ZMAT4: variants seen among roughly 807,000 people sequenced by gnomAD.
The protein encoded by ZMAT4 is zinc finger matrin-type 4, also known as zinc finger matrin-type protein 4.
ZMAT4 carries 17 observed loss-of-function variants against 28.7 expected under a neutral mutation model. The ratio of observed to expected loss-of-function variants is 0.59; its 90% CI spans 0.41 to 0.89. ZMAT4 has a LOEUF of 0.89. Among genes scored for constraint, ZMAT4 ranks in the 40% least tolerant of loss-of-function variants. The pLI is 0.00. For synonymous variants in ZMAT4, 117 were observed against 109.2 expected (o/e 1.07, Z -0.44); for missense variants, 240 against 283.8 (o/e 0.85, Z 1.11).
intron 5 of ZMAT4, among the ~76,000 whole-genome samples, chr8:40,611,339 T>C (rs953828164): frequency 6.6e-6 from 1 of 152,096 alleles, no homozygotes. Flanking sequence ...GTAGAATATA[T>C]CTGATATCAG....
chr8:40,867,403 A>G (rs1196177458), intron 1 of ZMAT4, among the ~76,000 whole-genome samples: 3 of 152,210 alleles, frequency 2.0e-5, no homozygotes, highest in Non-Finnish European at 2.9e-5. Context: ...CCTGGTGAAC[A>G]TAAGTCAGAT....
At chr8:40,640,123 T>A (rs1378708810) in intron 5 of ZMAT4, among the ~76,000 whole-genome samples, 2 of 152,110 alleles carry the variant, frequency 1.3e-5, no homozygotes, top group Non-Finnish European at 2.9e-5. Flanking sequence ...ACTACAGGTG[T>A]GCATCACCAA....
At chr8:40,549,313 A>G (rs1347766174) in intron 6 of ZMAT4, among the ~76,000 whole-genome samples, 2 of 152,146 alleles carry the variant, frequency 1.3e-5, no homozygotes, top group East Asian at 1.9e-4. Context: ...CCCTCCCTTT[A>G]CAAGATTTGA....
At chr8:40,596,010 G>C (rs552501993) in intron 5 of ZMAT4, among the ~76,000 whole-genome samples, 1 of 152,240 alleles carries the variant, frequency 6.6e-6, no homozygotes, top group Non-Finnish European at 1.5e-5. Context: ...CTTGAACCCA[G>C]GAGAGGGAGG....
intron 2 of ZMAT4, among the ~76,000 whole-genome samples, chr8:40,808,279 A>G (rs1166848835): frequency 1.3e-5 from 2 of 152,144 alleles, no homozygotes; most frequent in Non-Finnish European, 2.9e-5. Context: ...CTTTAGATCA[A>G]AGGAAACTAC....
At chr8:40,887,718 G>A (rs1309547879) in intron 1 of ZMAT4, among the ~76,000 whole-genome samples, 1 of 152,102 alleles carries the variant, frequency 6.6e-6, no homozygotes, top group East Asian at 1.9e-4. Context: ...CGGCAGAGGG[G>A]AAAGAACAGG....
intron 1 of ZMAT4, among the ~76,000 whole-genome samples, chr8:40,885,197 C>T (rs1404497465): frequency 1.3e-5 from 2 of 152,154 alleles, no homozygotes; most frequent in Non-Finnish European, 2.9e-5. Context: ...CGTTTCCTCC[C>T]TCTCTACTCC....
chr8:40,771,428 TATA>T (rs1004361200), intron 2 of ZMAT4, among the ~76,000 whole-genome samples: 8 of 151,790 alleles, frequency 5.3e-5, no homozygotes, highest in African/African-American at 1.9e-4. Context: ...ATAACATAAA[TATA>T]ATAATAATAA....
Position 40,824,934 on chromosome 8 carries a change from C to T in ZMAT4, c.102+641G>A, listed in dbSNP as rs1039590202. On this transcript the variant is annotated intron_variant, in intron 2 of 6. Transcript: ENST00000297737. ...TCGGACACAGGCCAACCTCTCTCCTCTCATCCTCTGCTCCCAATAGAGGAT... is the reference window on the plus strand; with the variant it reads ...TCGGACACAGGCCAACCTCTCTCCTTTCATCCTCTGCTCCCAATAGAGGAT... 8.5e-5 allele frequency among the ~76,000 whole-genome samples: 13 copies of T among 152,334 alleles called. No homozygotes were observed. In the East Asian group the frequency reaches 2.5e-3, roughly 29 times the overall value.
intron 5 of ZMAT4, among the ~76,000 whole-genome samples, chr8:40,613,180 C>CTTTCTTTTTTTTTTTTTTTTT (rs71224837): frequency 7.5e-5 from 6 of 79,966 alleles, no homozygotes; most frequent in Admixed American, 2.0e-4. Context: ...TACTTTCTTT[C>CTTTCTTTTTTTTTTTTTTTTT]TTTTTTTTTT....
chr8:40,607,116 T>TC (rs1805619563), intron 5 of ZMAT4, among the ~76,000 whole-genome samples: 2 of 122,020 alleles, frequency 1.6e-5, no homozygotes, highest in Non-Finnish European at 3.4e-5. Flanking sequence ...ATATCTTGTA[T>TC]CTTTTTTTTT....
At chr8:40,594,824 A>T (rs999339335) in intron 5 of ZMAT4, among the ~76,000 whole-genome samples, 1 of 152,172 alleles carries the variant, frequency 6.6e-6, no homozygotes, top group Non-Finnish European at 1.5e-5. Context: ...ATCTTTTTTG[A>T]CAGGTCAAAT....
chr8:40,550,571 G>A (rs1228734441), intron 6 of ZMAT4, among the ~76,000 whole-genome samples: 1 of 152,168 alleles, frequency 6.6e-6, no homozygotes, highest in East Asian at 1.9e-4. Flanking sequence ...GGGACCAGCT[G>A]AAGGTAATTG....
At chr8:40,766,034 G>A (rs1813145213) in intron 3 of ZMAT4, among the ~76,000 whole-genome samples, 1 of 152,144 alleles carries the variant, frequency 6.6e-6, no homozygotes, top group African/African-American at 2.4e-5. Context: ...AAGTTTTTCT[G>A]AGAGGAATGT....
chr8:40,859,138 T>C (rs1265488300), intron 1 of ZMAT4, among the ~76,000 whole-genome samples: 1 of 152,134 alleles, frequency 6.6e-6, no homozygotes. Context: ...TCAGAAGGAT[T>C]GTGTGTTCCT....
chr8:40,617,796 G>A (rs1315261330), intron 5 of ZMAT4, among the ~76,000 whole-genome samples: 1 of 152,166 alleles, frequency 6.6e-6, no homozygotes, highest in African/African-American at 2.4e-5. Context: ...CGAAGGGCAA[G>A]ATGATGTACA....
intron 1 of ZMAT4, among the ~76,000 whole-genome samples, chr8:40,847,578 TC>T (rs1816953376): frequency 6.6e-6 from 1 of 152,204 alleles, no homozygotes; most frequent in South Asian, 2.1e-4. Flanking sequence ...TTCCGCTTCT[TC>T]CTCTGCAGCA....
At chr8:40,720,115 C>T (rs1374955144) in intron 3 of ZMAT4, among the ~76,000 whole-genome samples, 6 of 152,206 alleles carry the variant, frequency 3.9e-5, no homozygotes, top group African/African-American at 1.4e-4. Context: ...TGCAGCTGAA[C>T]ATTCTTATCA....
chr8:40,836,411 G>A, intron 1 of ZMAT4, among the ~76,000 whole-genome samples: 1 of 152,086 alleles, frequency 6.6e-6, no homozygotes, highest in East Asian at 1.9e-4. Context: ...CTAATTTCAG[G>A]CAAGAAAAAA....
Sources: gnomAD v4.1 joint callset for allele counts (sites outside exome capture counted in the v4.1 genomes callset) on GRCh38, gnomAD v4.1.1 for gene constraint, MANE v1.5 for transcripts, NCBI Gene and HGNC (gene_info 2026-07-23, HGNC 2026-07-21) for gene names.